The following GALNTL6 variants were observed in gnomAD, a reference collection of about 807,000 sequenced individuals.
GALNTL6 encodes polypeptide N-acetylgalactosaminyltransferase like 6.
Under a neutral mutation model 73.7 loss-of-function variants are expected in GALNTL6, and 46 were observed. The ratio of observed to expected loss-of-function variants is 0.62; its 90% CI spans 0.49 to 0.80. The LOEUF is 0.80. Among genes scored for constraint, GALNTL6 ranks in the 30% least tolerant of loss-of-function variants. The pLI, the probability that GALNTL6 is intolerant of heterozygous loss-of-function variation, is 0.00. For synonymous variants in GALNTL6, 259 were observed against 263.7 expected, an observed-to-expected ratio of 0.98 and a Z score of 0.17; for missense variants, 604 against 755.0, an observed-to-expected ratio of 0.80 and a Z score of 2.34.
chr4:172,914,077 G>T (rs1747364197), intron 8 of GALNTL6, among the ~76,000 whole-genome samples: 1 of 152,156 alleles, frequency 6.6e-6, no homozygotes, highest in Non-Finnish European at 1.5e-5. Flanking sequence ...AAGGTTGGGG[G>T]GGTGGTGGCC....
intron 3 of GALNTL6, among the ~76,000 whole-genome samples, chr4:172,261,839 T>C (rs1014654691): frequency 5.3e-5 from 8 of 151,340 alleles, no homozygotes; most frequent in Non-Finnish European, 1.2e-4. Context: ...AATTTCCATC[T>C]TGATTTCAGT....
chr4:172,537,865 C>T (rs1403571497), intron 5 of GALNTL6, among the ~76,000 whole-genome samples: 3 of 151,966 alleles, frequency 2.0e-5, no homozygotes, highest in African/African-American at 4.8e-5. Flanking sequence ...CAGGCATAAG[C>T]GATAAAGTGC....
intron 5 of GALNTL6, among the ~76,000 whole-genome samples, chr4:172,447,511 T>G (rs1197010093): frequency 6.6e-6 from 1 of 152,202 alleles, no homozygotes; most frequent in African/African-American, 2.4e-5. Flanking sequence ...AGAAGCTTCA[T>G]GTAGGTATAC....
chr4:172,810,376 A>G lies in GALNTL6; in HGVS notation c.739+830A>G, dbSNP rs141536129. ...TAAGAAATAAATTGTCAGCTCGAAAACAAAAAAAACCCTCCTTTTAAAAAG... is the reference window on the plus strand; with the variant it reads ...TAAGAAATAAATTGTCAGCTCGAAAGCAAAAAAAACCCTCCTTTTAAAAAG... On this transcript the variant is annotated intron_variant, in intron 6 of 12. Coordinates refer to ENST00000506823, the MANE Select transcript of GALNTL6 (RefSeq NM_001034845.3). Among the ~76,000 whole-genome samples the G allele has an allele frequency of 5.5e-4, 83 of 152,104 alleles. 1 individual carries two copies. In the South Asian group the frequency reaches 5.8e-3, roughly 11 times the overall value.
At chr4:172,615,490 A>G (rs1279178725) in intron 5 of GALNTL6, among the ~76,000 whole-genome samples, 2 of 151,906 alleles carry the variant, frequency 1.3e-5, no homozygotes, top group Non-Finnish European at 2.9e-5. Context: ...TTGCCCCCTT[A>G]CTCCCTGGAG....
intron 2 of GALNTL6, among the ~76,000 whole-genome samples, chr4:172,130,181 ATTTTTT>A (rs34151025): frequency 7.7e-6 from 1 of 130,250 alleles, no homozygotes. Flanking sequence ...TCATTACAGA[ATTTTTT>A]TTTTTTTTTT....
chr4:171,814,362 C>G (rs984334107), intron 1 of GALNTL6, 50 bp from the exon 2 acceptor site: 2 of 592,472 alleles, frequency 3.4e-6, no homozygotes, highest in African/African-American at 3.7e-5. Context: ...ATAGATAATG[C>G]CTTCGTCATA....
At chr4:172,708,103 T>G (rs1267636337) in intron 5 of GALNTL6, among the ~76,000 whole-genome samples, 1 of 152,108 alleles carries the variant, frequency 6.6e-6, no homozygotes, top group Non-Finnish European at 1.5e-5. Context: ...CAGGCTAGAG[T>G]GCAGTGGCAC....
At chr4:172,062,035 G>GC (rs1029213618) in intron 2 of GALNTL6, among the ~76,000 whole-genome samples, 24 of 139,922 alleles carry the variant, frequency 1.7e-4, no homozygotes, top group Admixed American at 1.5e-4. Context: ...TGCAACTTCT[G>GC]CCCCCCCAGG....
chr4:172,311,451 A>T (rs1740354449), intron 3 of GALNTL6, among the ~76,000 whole-genome samples, 163 bp from the exon 4 acceptor site: 2 of 152,148 alleles, frequency 1.3e-5, no homozygotes, highest in African/African-American at 4.8e-5. Context: ...AGTATATTTC[A>T]TTTACTTAAA....
intron 5 of GALNTL6, among the ~76,000 whole-genome samples, chr4:172,544,218 C>T (rs1420354322): frequency 1.3e-5 from 2 of 152,014 alleles, no homozygotes; most frequent in Admixed American, 1.3e-4. Flanking sequence ...GATTTAGATC[C>T]ATTTCCATGT....
chr4:172,466,247 A>G (rs1395815472), intron 5 of GALNTL6, among the ~76,000 whole-genome samples: 1 of 152,196 alleles, frequency 6.6e-6, no homozygotes, highest in Non-Finnish European at 1.5e-5. Flanking sequence ...CATAAATAAA[A>G]TATAAATTAA....
At chr4:172,478,944 A>C (rs1244173493) in intron 5 of GALNTL6, among the ~76,000 whole-genome samples, 1 of 152,230 alleles carries the variant, frequency 6.6e-6, no homozygotes, top group African/African-American at 2.4e-5. Flanking sequence ...GGGAAATGTA[A>C]ATTAAAACCA....
chr4:172,386,960 T>G (rs182033965), intron 5 of GALNTL6, among the ~76,000 whole-genome samples: 21 of 152,264 alleles, frequency 1.4e-4, no homozygotes, highest in African/African-American at 5.1e-4. Flanking sequence ...AGTTTCCTTT[T>G]CAGCAGAGGA....
intron 7 of GALNTL6, among the ~76,000 whole-genome samples, chr4:172,827,456 A>T (rs1742327782): frequency 6.6e-6 from 1 of 152,188 alleles, no homozygotes; most frequent in East Asian, 1.9e-4. Flanking sequence ...CATGTTACTT[A>T]GAGGTATCTG....
At chr4:172,832,145 T>C (rs1022597439) in intron 7 of GALNTL6, among the ~76,000 whole-genome samples, 2 of 152,166 alleles carry the variant, frequency 1.3e-5, no homozygotes, top group South Asian at 2.1e-4. Context: ...CTGTGGACCT[T>C]GGGCTTCTCG....
chr4:172,304,538 A>G (rs1740056576), intron 3 of GALNTL6, among the ~76,000 whole-genome samples: 1 of 152,192 alleles, frequency 6.6e-6, no homozygotes, highest in South Asian at 2.1e-4. Context: ...AGGTCTGGCT[A>G]TAAAAATTCT....
intron 5 of GALNTL6, among the ~76,000 whole-genome samples, chr4:172,732,030 T>A (rs1455105343): frequency 2.0e-5 from 3 of 152,130 alleles, no homozygotes; most frequent in Admixed American, 2.0e-4. Flanking sequence ...TAGTGAAATG[T>A]TCTGTAAATA....
intron 5 of GALNTL6, among the ~76,000 whole-genome samples, chr4:172,405,435 ATATATATATTTTTTTTTTTTT>A (rs1464945686): frequency 0.039 from 198 of 5,092 alleles, 2 homozygotes; most frequent in African/African-American, 0.13. Context: ...ATATATATAT[ATATATATATTTTTTTTTTTTT>A]TTTTTTTTTT....
Sources: allele counts gnomAD v4.1 joint callset (sites outside exome capture counted in the v4.1 genomes callset), GRCh38; gene constraint gnomAD v4.1.1; transcripts MANE v1.5; gene names NCBI Gene and HGNC (gene_info 2026-07-23, HGNC 2026-07-21).